PXDNL: variants seen among roughly 807,000 people sequenced by gnomAD.
PXDNL encodes the protein probable oxidoreductase PXDNL.
In PXDNL, 145 loss-of-function variants were observed where a neutral mutation model predicts 150.8. The ratio of observed to expected loss-of-function variants is 0.96; its 90% CI spans 0.84 to 1.10. The LOEUF is 1.10. Among genes scored for constraint, PXDNL ranks in the 50% least tolerant of loss-of-function variants. The pLI, the probability that PXDNL is intolerant of heterozygous loss-of-function variation, is 0.00. For synonymous variants in PXDNL, 757 were observed against 725.7 expected (o/e 1.04, Z -0.69); for missense variants, 2,087 against 1,873.9 (o/e 1.11, Z -2.10).
intron 2 of PXDNL, among the ~76,000 whole-genome samples, chr8:51,649,346 A>T (rs72638066): frequency 6.6e-6 from 1 of 152,192 alleles, no homozygotes; most frequent in African/African-American, 2.4e-5. Flanking sequence ...ATGAGACTTG[A>T]AACTTTCCCA....
intron 3 of PXDNL, among the ~76,000 whole-genome samples, chr8:51,578,071 GA>G (rs1362346000): frequency 0.021 from 2,296 of 107,796 alleles, 211 homozygotes; most frequent in African/African-American, 0.074. Context: ...AGGAAAGAAA[GA>G]AAAGAAAGAA....
intron 1 of PXDNL, among the ~76,000 whole-genome samples, chr8:51,754,648 C>T (rs1169190646): frequency 1.3e-5 from 2 of 152,048 alleles, no homozygotes; most frequent in Non-Finnish European, 2.9e-5. Context: ...GGACTACAGG[C>T]GCCCGCCACC....
intron 7 of PXDNL, among the ~76,000 whole-genome samples, chr8:51,474,666 CG>C (rs1195678468): frequency 3.9e-5 from 6 of 152,202 alleles, no homozygotes; most frequent in Admixed American, 6.5e-5. Flanking sequence ...GAGATTTTAA[CG>C]TTGGACACCA....
chr8:51,436,951 C>T (rs1298329058), intron 12 of PXDNL, among the ~76,000 whole-genome samples: 1 of 152,016 alleles, frequency 6.6e-6, no homozygotes, highest in African/African-American at 2.4e-5. Flanking sequence ...ATTCATAGGT[C>T]ATTAGCAAGA....
At chr8:51,538,087 G>A (rs918280138) in intron 4 of PXDNL, among the ~76,000 whole-genome samples, 3 of 152,164 alleles carry the variant, frequency 2.0e-5, no homozygotes, top group South Asian at 2.1e-4. Context: ...ACAAATAGAC[G>A]TTTACTGATG....
chr8:51,799,422 C>T (rs1046044279), intron 1 of PXDNL, among the ~76,000 whole-genome samples: 3 of 152,072 alleles, frequency 2.0e-5, no homozygotes, highest in Non-Finnish European at 4.4e-5. Context: ...AAGATATCTT[C>T]CTGAGAAAAT....
Position 51,408,049 on chromosome 8 carries a change from C to A in PXDNL, c.3557+18G>T. The A allele has an allele frequency of 1.3e-6, 2 of 1,574,110 alleles. No homozygotes were observed. The highest frequency in any genetic ancestry group is 1.7e-6 in the Non-Finnish European group (2 of 1,162,534). On this transcript the variant is annotated intron_variant, in intron 17 of 22. Coordinates refer to ENST00000356297, the MANE Select transcript of PXDNL (RefSeq NM_144651.5). ...CTCCTAAGAAATGTTTAAATCCAGG[C>A]AGCATTTGCATACTTACTTTCTCAG...
chr8:51,801,709 T>G (rs1346838985), intron 1 of PXDNL, among the ~76,000 whole-genome samples: 1 of 152,224 alleles, frequency 6.6e-6, no homozygotes. Flanking sequence ...TTCCTGCCTC[T>G]CTAGACTTTC....
chr8:51,640,496 T>C (rs1814724221), intron 2 of PXDNL, among the ~76,000 whole-genome samples: 1 of 152,190 alleles, frequency 6.6e-6, no homozygotes, highest in Non-Finnish European at 1.5e-5. Context: ...GATAAGCAAC[T>C]TCAGCAAAAT....
rs543175012 is a variant in PXDNL, at chr8:51,629,710, G to A, written c.236+24979C>T. On this transcript the variant is annotated intron_variant, in intron 2 of 22. Coordinates refer to ENST00000356297, the MANE Select transcript of PXDNL (RefSeq NM_144651.5). ...GTCATGTACAAGCGACCCACAGTAA[G>A]ATTAACAGCAGATTTATCATCAGAA... Among the ~76,000 whole-genome samples the A allele has an allele frequency of 3.3e-5, 5 of 152,222 alleles. No homozygotes were observed. In the East Asian group the frequency reaches 9.6e-4, roughly 29 times the overall value.
intron 5 of PXDNL, among the ~76,000 whole-genome samples, chr8:51,486,786 ATATATATATTTTTTTTTTTTT>A (rs1456011098): frequency 3.4e-3 from 79 of 23,522 alleles, no homozygotes; most frequent in African/African-American, 0.011. Context: ...ATATATATAT[ATATATATATTTTTTTTTTTTT>A]TTTTTTTTTT....
chr8:51,632,686 A>G (rs1814516521), intron 2 of PXDNL, among the ~76,000 whole-genome samples: 1 of 152,192 alleles, frequency 6.6e-6, no homozygotes, highest in Admixed American at 6.6e-5. Context: ...GTACTTATGG[A>G]ACGTTTAAGA....
intron 1 of PXDNL, among the ~76,000 whole-genome samples, chr8:51,728,015 C>G (rs1427814058): frequency 6.6e-6 from 1 of 152,196 alleles, no homozygotes; most frequent in African/African-American, 2.4e-5. Flanking sequence ...TATTCTATTG[C>G]TTAACACATT....
intron 12 of PXDNL, among the ~76,000 whole-genome samples, chr8:51,435,435 A>T (rs995707393): frequency 2.0e-5 from 3 of 152,198 alleles, no homozygotes; most frequent in African/African-American, 7.2e-5. Flanking sequence ...ACTGGACTCC[A>T]GTCAAGAATG....
rs190012712 is a variant in PXDNL at position 51,348,330 on chromosome 8, A to G, written c.3902-2383T>C. 3.9e-5 allele frequency among the ~76,000 whole-genome samples: 6 copies of G among 152,308 alleles called. No individual in the cohort carries two copies. The East Asian group carries it at 1.2e-3, about 29-fold the overall frequency. On this transcript the variant is annotated intron_variant, in intron 19 of 22. Coordinates refer to ENST00000356297, the MANE Select transcript of PXDNL (RefSeq NM_144651.5). ...CAAGGTCATATAAATAAAACCCAAA[A>G]AGCAAAGAATCATGTATATAACACT...
At chr8:51,753,604 AG>A (rs1400460328) in intron 1 of PXDNL, among the ~76,000 whole-genome samples, 2 of 152,238 alleles carry the variant, frequency 1.3e-5, no homozygotes, top group Non-Finnish European at 2.9e-5. Context: ...GCACACTAAA[AG>A]GTTCATTGGG....
intron 19 of PXDNL, among the ~76,000 whole-genome samples, chr8:51,363,293 A>C (rs1806810577): frequency 6.6e-6 from 1 of 152,144 alleles, no homozygotes; most frequent in South Asian, 2.1e-4. Flanking sequence ...CTGGGGGAAG[A>C]CATTAGTGAA....
chr8:51,608,633 C>A (rs538336239), intron 2 of PXDNL, among the ~76,000 whole-genome samples: 1 of 148,438 alleles, frequency 6.7e-6, no homozygotes, highest in Non-Finnish European at 1.5e-5. Context: ...GTCAGGAGAT[C>A]CAGACCATCC....
intron 4 of PXDNL, among the ~76,000 whole-genome samples, chr8:51,536,749 C>T (rs1812086799): frequency 6.6e-6 from 1 of 151,984 alleles, no homozygotes; most frequent in Non-Finnish European, 1.5e-5. Flanking sequence ...TTTGCTGCAA[C>T]ACTAAATGGA....
Sources: allele counts gnomAD v4.1 joint callset (sites outside exome capture counted in the v4.1 genomes callset), GRCh38; gene constraint gnomAD v4.1.1; transcripts MANE v1.5; gene names NCBI Gene and HGNC (gene_info 2026-07-23, HGNC 2026-07-21).